The following CCNI variants were observed in gnomAD, a reference collection of about 807,000 sequenced individuals.
The protein encoded by CCNI is cyclin I, also known as cyclin-I.
Under a neutral mutation model 34.1 loss-of-function variants are expected in CCNI, and 14 were observed. That is an observed-to-expected ratio of 0.41 (90% confidence interval 0.27 to 0.64). The LOEUF is 0.64. Among genes scored for constraint, CCNI ranks in the 30% least tolerant of loss-of-function variants. The pLI is 0.31. For synonymous variants in CCNI, 154 were observed against 158.4 expected (o/e 0.97, Z 0.21); for missense variants, 385 against 440.5 (o/e 0.87, Z 1.13).
At chr4:77,051,868 A>C (rs913097395) in intron 6 of CCNI, among the ~76,000 whole-genome samples, 1 of 152,176 alleles carries the variant, frequency 6.6e-6, no homozygotes, top group Non-Finnish European at 1.5e-5. Flanking sequence ...GAACAGCATG[A>C]AGCACTGAGG....
intron 1 of CCNI, 82 bp downstream of exon 1, chr4:77,075,390 G>A (rs944267628): frequency 2.3e-5 from 11 of 473,060 alleles, no homozygotes; most frequent in African/African-American, 1.1e-4. Flanking sequence ...CGGGGGCGGC[G>A]CGGGGGGAGC....
chr4:77,061,599 T>C (rs1393326805), intron 2 of CCNI, among the ~76,000 whole-genome samples: 3 of 152,228 alleles, frequency 2.0e-5, no homozygotes, highest in Non-Finnish European at 4.4e-5. Context: ...GGTTCACCAT[T>C]ACCTAAAAGA....
rs559043587 is a variant in CCNI, at chr4:77,075,444, AGCCCCC to A, written c.-44+22_-44+27del. 1,159 of 772,522 alleles carry A rather than the reference AGCCCCC, an allele frequency of 1.5e-3. 10 individuals are homozygous for A. The South Asian group carries it at 0.016, about 11-fold the overall frequency. The allele number at this position is 772,522 out of a possible 1,614,324, so 47.9% of individuals were successfully genotyped here. ...CGACGCCGGCCGCGGAGACGCGTCG[AGCCCCC>A]GCCCCCGCCCCCGCCCCTCACCTTC... On this transcript the variant is annotated intron_variant, in intron 1 of 6. Coordinates refer to ENST00000237654, the MANE Select transcript of CCNI (RefSeq NM_006835.3).
At chr4:77,050,537 A>G (rs78674918) in intron 6 of CCNI, among the ~76,000 whole-genome samples, 3 of 152,348 alleles carry the variant, frequency 2.0e-5, no homozygotes, top group Admixed American at 2.0e-4. Context: ...TCAGAAATAT[A>G]CAAGAAAATG....
chr4:77,048,009 T>G lies in CCNI; in HGVS notation c.*210A>C. ...TAAAAAAAGTTTGGATCTTTTGGAT[T>G]TCTTTTTTTTTTTTTTGGTCTTTAT... is the stretch of plus-strand genomic sequence containing the variant. On this transcript the variant is annotated 3_prime_UTR_variant, in exon 7 of 7. Coordinates refer to ENST00000237654, the MANE Select transcript of CCNI (RefSeq NM_006835.3). 2.4e-6 allele frequency: 1 copy of G among 414,502 alleles called. No homozygotes were observed. The highest frequency in any genetic ancestry group is 3.5e-5 in the East Asian group (1 of 28,314). The allele number at this position is 414,502 out of a possible 1,614,324, so 25.7% of individuals were successfully genotyped here.
intron 2 of CCNI, among the ~76,000 whole-genome samples, chr4:77,061,800 G>GC (rs1276126665): frequency 6.6e-6 from 1 of 152,154 alleles, no homozygotes; most frequent in Non-Finnish European, 1.5e-5. Flanking sequence ...CTCCTGGGTA[G>GC]CTGGGACTAC....
intron 2 of CCNI, among the ~76,000 whole-genome samples, chr4:77,063,437 G>A (rs1454754219): frequency 6.6e-6 from 1 of 150,934 alleles, no homozygotes; most frequent in East Asian, 2.0e-4. Flanking sequence ...GGTGGCTCAT[G>A]CCTGTAATCC....
At chr4:77,070,017 C>T (rs1330456092) in intron 1 of CCNI, among the ~76,000 whole-genome samples, 12 of 131,582 alleles carry the variant, frequency 9.1e-5, no homozygotes, top group Non-Finnish European at 1.1e-4. Flanking sequence ...AAATCATGGG[C>T]TTTTTTTTTT....
intron 2 of CCNI, among the ~76,000 whole-genome samples, chr4:77,065,441 TA>T (rs1728962816): frequency 1.3e-5 from 2 of 152,296 alleles, no homozygotes; most frequent in Admixed American, 1.3e-4. Context: ...ATGACAGAAG[TA>T]TAAAAATTTC....
intron 1 of CCNI, among the ~76,000 whole-genome samples, chr4:77,072,054 A>G (rs1430794572): frequency 6.6e-6 from 1 of 152,174 alleles, no homozygotes; most frequent in Non-Finnish European, 1.5e-5. Flanking sequence ...CCAGACAGAC[A>G]TCACTAGAAA....
Position 77,048,680 on chromosome 4 carries a change from A to G in CCNI, c.691-18T>C, listed in dbSNP as rs778320732. The stretch of plus-strand genomic sequence containing the variant: ...CTATCCATCTGGGCCAGGAAAAAAA[A>G]AAAGCCACACACAGTTGATCATTAA... On this transcript the variant is annotated intron_variant, in intron 6 of 6. Coordinates refer to ENST00000237654, the MANE Select transcript of CCNI (RefSeq NM_006835.3). 6.6e-7 allele frequency: 1 copy of G among 1,505,404 alleles called. No homozygotes were observed. The allele number at this position is 1,505,404 out of a possible 1,614,324, so 93.3% of individuals were successfully genotyped here.
chr4:77,067,862 T>C (rs923797222), intron 1 of CCNI, among the ~76,000 whole-genome samples: 1 of 146,490 alleles, frequency 6.8e-6, no homozygotes, highest in African/African-American at 2.5e-5. Flanking sequence ...TGTAGAAAAT[T>C]GGATTAAGAA....
intron 5 of CCNI, 133 bp downstream of exon 5, chr4:77,055,829 A>G (rs1480057454): frequency 1.4e-6 from 1 of 724,774 alleles, no homozygotes; most frequent in Non-Finnish European, 2.3e-6. Flanking sequence ...ATACTAATTT[A>G]TAATTTTTCC....
At chr4:77,063,604 A>G (rs561644869) in intron 2 of CCNI, among the ~76,000 whole-genome samples, 5 of 151,294 alleles carry the variant, frequency 3.3e-5, no homozygotes, top group Non-Finnish European at 5.9e-5. Flanking sequence ...GCAGGAGAAT[A>G]GCGTGAACCC....
intron 1 of CCNI, among the ~76,000 whole-genome samples, chr4:77,072,633 T>A (rs4252791): frequency 0.011 from 942 of 87,814 alleles, 16 homozygotes; most frequent in African/African-American, 0.047. Context: ...TGAGACCCAA[T>A]CTCTTAAAAA....
rs1729920887 is a variant in CCNI at position 77,075,830 on chromosome 4, C to A, written c.-402G>T. ...GAGGCGGGGGGTGAGACCGGCTCTGCCCCTGCCCGGGGAAAGCGCCTCCGA... is the reference window on the plus strand; with the variant it reads ...GAGGCGGGGGGTGAGACCGGCTCTGACCCTGCCCGGGGAAAGCGCCTCCGA... On this transcript the variant is annotated 5_prime_UTR_variant, in exon 1 of 7. Coordinates refer to ENST00000237654, the MANE Select transcript of CCNI (RefSeq NM_006835.3). 2.7e-5 allele frequency: 4 copies of A among 150,410 alleles called. No homozygotes were observed. The highest frequency in any genetic ancestry group is 1.3e-4 in the Admixed American group (2 of 15,138). The allele number at this position is 150,410 out of a possible 1,614,324, so 9.3% of individuals were successfully genotyped here.
intron 3 of CCNI, among the ~76,000 whole-genome samples, chr4:77,057,729 T>C (rs557469269): frequency 6.6e-6 from 1 of 152,348 alleles, no homozygotes; most frequent in African/African-American, 2.4e-5. Context: ...AACAAAAATA[T>C]ACCAAAGTTG....
In CCNI at chr4:77,048,331, T is replaced by C. The variant is rs1292607622; in HGVS notation, c.1022A>G (p.Tyr341Cys). ...DDFYDGIKRL[Y>C]NEDNVSENVG... ...ATTTTCTGAGACATTATCTTCATTA[T>C]AGAGCCGTTTGATTCCATCATAGAA... The change falls in exon 7 of 7, where the codon TAT (tyrosine) becomes TGT (cysteine). Residue 341 changes from tyrosine (Y) to cysteine (C), a missense_variant. Physicochemically the swap from Tyr to Cys is radical, Grantham distance 194. Around this residue, in one of 2 missense-constraint regions of CCNI, gnomAD observed 250 missense variants for 248.7 expected, o/e 1.01. Coordinates refer to ENST00000237654, the MANE Select transcript of CCNI (RefSeq NM_006835.3). The C allele has an allele frequency of 6.2e-7, 1 of 1,614,072 alleles. No homozygotes were observed. The highest frequency in any genetic ancestry group is 8.5e-7 in the Non-Finnish European group (1 of 1,180,016).
At chr4:77,075,299 G>C (rs1578263701) in intron 1 of CCNI, 173 bp downstream of exon 1, 2 of 154,226 alleles carry the variant, frequency 1.3e-5, no homozygotes, top group East Asian at 1.9e-4. Context: ...AGGACGAAGA[G>C]GGCGGCCCCG....
Sources: allele counts gnomAD v4.1 joint callset (sites outside exome capture counted in the v4.1 genomes callset), GRCh38; gene constraint gnomAD v4.1.1; regional missense constraint gnomAD v4.1.1; transcripts MANE v1.5; gene names NCBI Gene and HGNC (gene_info 2026-07-23, HGNC 2026-07-21).